The following TMEM87A variants were observed in gnomAD, a reference collection of about 807,000 sequenced individuals.
The protein encoded by TMEM87A is Golgi-pH regulating cation channel.
TMEM87A carries 50 observed loss-of-function variants against 90.0 expected under a neutral mutation model. The ratio of observed to expected loss-of-function variants is 0.56; its 90% CI spans 0.44 to 0.70. The LOEUF (loss-of-function observed/expected upper bound fraction) is 0.70, where lower values mean the gene tolerates loss of function less well. Ranked by LOEUF, TMEM87A falls within the 30% of genes least tolerant of loss-of-function variation. TMEM87A has a pLI of 0.00. For synonymous variants in TMEM87A, 226 were observed against 226.7 expected (o/e 1.00, Z 0.03); for missense variants, 577 against 660.5 (o/e 0.87, Z 1.39).
At chr15:42,245,479 T>G (rs1011293879) in intron 6 of TMEM87A, among the ~76,000 whole-genome samples, 6 of 152,102 alleles carry the variant, frequency 3.9e-5, no homozygotes, top group Admixed American at 3.3e-4. Context: ...AAAATAACAT[T>G]TATATGCCAG....
At chr15:42,226,587 T>C (rs1053790212) in intron 15 of TMEM87A, 3 of 494,908 alleles carry the variant, frequency 6.1e-6, no homozygotes, top group East Asian at 3.1e-5. Flanking sequence ...TCCCCCTCAG[T>C]ATATAGAAAG....
At position 42,244,074 on chromosome 15, in the gene TMEM87A, T is replaced by C. The variant is rs2050924645; in HGVS notation, c.598A>G (p.Asn200Asp). The C allele has an allele frequency of 6.4e-7, 1 of 1,569,990 alleles. No individual in the cohort carries two copies. Among genetic ancestry groups the C allele is most frequent in the African/African-American group, 1.4e-5 (1 of 72,092 alleles). ...ISSSKESSKENSLSNLFTMTV... is the reference protein window; with the variant it reads ...ISSSKESSKEDSLSNLFTMTV... ...CTGGTAAAAAGATTACTCAGTGAAT[T>C]TTCTTTTGATGATTCCTTTGAGGAT... Residue 200 changes from asparagine (N) to aspartate (D), a missense_variant, in exon 7 of 20, where the codon AAT becomes GAT. Physicochemically the swap from Asn to Asp is conservative, Grantham distance 23. Transcript: ENST00000389834.
intron 7 of TMEM87A, among the ~76,000 whole-genome samples, chr15:42,243,747 C>T (rs542740384): frequency 6.6e-6 from 1 of 151,892 alleles, no homozygotes; most frequent in South Asian, 2.1e-4. Flanking sequence ...TTAAAACTCC[C>T]GACCTCATGT....
intron 17 of TMEM87A, 74 bp from the exon 18 acceptor site, chr15:42,218,452 T>C: frequency 7.0e-7 from 1 of 1,427,348 alleles, no homozygotes; most frequent in Non-Finnish European, 9.7e-7. Flanking sequence ...ATGAAGGTCT[T>C]AAAACTTGTC....
chr15:42,232,357 C>A (rs2050699434), intron 11 of TMEM87A, among the ~76,000 whole-genome samples: 1 of 152,178 alleles, frequency 6.6e-6, no homozygotes, highest in Non-Finnish European at 1.5e-5. Context: ...GGACTACAGG[C>A]ACCCACCACT....
Position 42,236,308 on chromosome 15 carries a change from G to T in TMEM87A, c.968+12C>A. ...TTTAATTTGCTCTTCCATACAGGAAGTTAATACTTACTTGACGATGCCATA... is the reference window on the plus strand; with the variant it reads ...TTTAATTTGCTCTTCCATACAGGAATTTAATACTTACTTGACGATGCCATA... On this transcript the variant is annotated intron_variant, in intron 10 of 19. Coordinates refer to ENST00000389834, the MANE Select transcript of TMEM87A (RefSeq NM_015497.5). 6.2e-7 allele frequency: 1 copy of T among 1,610,932 alleles called. No homozygotes were observed. Among genetic ancestry groups the T allele is most frequent in the Non-Finnish European group, 8.5e-7 (1 of 1,177,180 alleles).
chr15:42,228,473 TAGAA>T (rs2050633949), intron 13 of TMEM87A, among the ~76,000 whole-genome samples: 2 of 152,176 alleles, frequency 1.3e-5, no homozygotes, highest in South Asian at 4.1e-4. Flanking sequence ...AGAATGCAAA[TAGAA>T]GAGGGATAAA....
chr15:42,267,889 G>C, intron 3 of TMEM87A, 58 bp downstream of exon 3: 1 of 1,377,328 alleles, frequency 7.3e-7, no homozygotes, highest in Non-Finnish European at 1.0e-6. Context: ...GAAATTAAGA[G>C]ACTGGAACCA....
At chr15:42,222,008 A>C (rs1357300542) in intron 15 of TMEM87A, among the ~76,000 whole-genome samples, 2 of 152,012 alleles carry the variant, frequency 1.3e-5, no homozygotes, top group Non-Finnish European at 2.9e-5. Context: ...TCCCGGCCAG[A>C]CCTCCCAAAG....
At chr15:42,260,731 T>C (rs564097378) in intron 6 of TMEM87A, among the ~76,000 whole-genome samples, 2 of 152,298 alleles carry the variant, frequency 1.3e-5, no homozygotes, top group African/African-American at 4.8e-5. Flanking sequence ...GGGATAATTA[T>C]AAAAGCAATA....
intron 6 of TMEM87A, chr15:42,257,845 A>G (rs963092107): frequency 2.1e-6 from 2 of 932,792 alleles, no homozygotes; most frequent in Non-Finnish European, 2.6e-6. Context: ...TTGGTAATAA[A>G]AAGAAAAAAT....
At chr15:42,267,109 G>A (rs1279688664) in intron 3 of TMEM87A, among the ~76,000 whole-genome samples, 2 of 152,142 alleles carry the variant, frequency 1.3e-5, no homozygotes, top group Non-Finnish European at 2.9e-5. Flanking sequence ...CAAAACTTAA[G>A]AACCTACTGA....
intron 6 of TMEM87A, among the ~76,000 whole-genome samples, chr15:42,248,966 G>A (rs2140960155): frequency 6.6e-6 from 1 of 152,302 alleles, no homozygotes; most frequent in South Asian, 2.1e-4. Flanking sequence ...TTCAGAACCT[G>A]TTATTGATCT....
At chr15:42,228,954 T>G (rs1010828378) in intron 12 of TMEM87A, 134 bp from the exon 13 acceptor site, 2 of 564,330 alleles carry the variant, frequency 3.5e-6, no homozygotes, top group African/African-American at 2.0e-5. Flanking sequence ...GCTCTCTTAT[T>G]CTCACTTAAT....
At chr15:42,257,133 C>T (rs747841391) in intron 6 of TMEM87A, among the ~76,000 whole-genome samples, 1 of 152,154 alleles carries the variant, frequency 6.6e-6, no homozygotes, top group Non-Finnish European at 1.5e-5. Flanking sequence ...AAGATGGAAA[C>T]TCACTGCTAT....
intron 8 of TMEM87A, among the ~76,000 whole-genome samples, chr15:42,239,096 T>C (rs1031979839): frequency 6.6e-6 from 1 of 152,102 alleles, no homozygotes; most frequent in Non-Finnish European, 1.5e-5. Flanking sequence ...CAGGCTGGAG[T>C]GCAGTGGCAA....
chr15:42,252,222 C>T (rs180824645), intron 6 of TMEM87A, among the ~76,000 whole-genome samples: 58 of 152,314 alleles, frequency 3.8e-4, no homozygotes, highest in African/African-American at 1.4e-3. Flanking sequence ...TGATGTCCTG[C>T]CCTGCTTCGG....
rs2050790325 is a variant in TMEM87A, at chr15:42,237,450, G to A, written c.850C>T (p.Arg284Ter). The A allele has an allele frequency of 1.2e-6, 2 of 1,613,880 alleles. No individual in the cohort carries two copies. The highest frequency in any genetic ancestry group is 2.2e-5 in the East Asian group (1 of 44,870). The change falls in exon 9 of 20, where the codon CGA (arginine) becomes TGA (stop). Residue 284 changes from arginine (R) to a stop codon, truncating the protein, a stop_gained. Transcript: ENST00000389834. LOFTEE classifies it high-confidence loss of function. Reference sequence around the variant, plus strand: ...TACTTACCAGATTCTCCTTTGTATCGGATATTCTGAAATTCCGCATAGAAG... The same window carrying A: ...TACTTACCAGATTCTCCTTTGTATCAGATATTCTGAAATTCCGCATAGAAG... ...AVFYAEFQNI[R>*]YKGESVQGAL...
intron 15 of TMEM87A, among the ~76,000 whole-genome samples, chr15:42,225,791 C>T (rs545874912): frequency 6.8e-4 from 103 of 152,336 alleles, no homozygotes; most frequent in Middle Eastern, 3.4e-3. Flanking sequence ...CCCACCTTGG[C>T]CTCCCAAAGT....
Sources: allele counts gnomAD v4.1 joint callset (sites outside exome capture counted in the v4.1 genomes callset), GRCh38; gene constraint gnomAD v4.1.1; transcripts MANE v1.5; gene names NCBI Gene and HGNC (gene_info 2026-07-23, HGNC 2026-07-21).